JAM3: variants seen among roughly 807,000 people sequenced by gnomAD.
JAM3 encodes junctional adhesion molecule C.
JAM3 carries 31 observed loss-of-function variants against 39.4 expected under a neutral mutation model. The ratio of observed to expected loss-of-function variants is 0.79; its 90% CI spans 0.59 to 1.06. The LOEUF (loss-of-function observed/expected upper bound fraction) is 1.06. Among genes scored for constraint, JAM3 ranks in the 50% least tolerant of loss-of-function variants. The probability of loss-of-function intolerance (pLI) is 0.00; values close to 1 mark genes in which losing one functional copy is unlikely to be tolerated. For missense variants in JAM3, 455 were observed against 391.4 expected (o/e 1.16, Z -1.37); for synonymous variants, 182 against 148.7 (o/e 1.22, Z -1.63).
intron 1 of JAM3, among the ~76,000 whole-genome samples, chr11:134,130,751 C>T (rs1397161127): frequency 2.0e-5 from 3 of 152,206 alleles, no homozygotes; most frequent in African/African-American, 7.2e-5. Flanking sequence ...CCGCAGCTTT[C>T]CTCTCAAACC....
chr11:134,148,328 GAAGTCTC>G (rs1703370313), intron 6 of JAM3: 2 of 600,918 alleles, frequency 3.3e-6, no homozygotes, highest in Admixed American at 2.9e-5. Flanking sequence ...TTCAACTGTA[GAAGTCTC>G]AGTACTTTTC....
intron 1 of JAM3, among the ~76,000 whole-genome samples, chr11:134,125,603 G>C (rs1258614424): frequency 6.6e-6 from 1 of 152,180 alleles, no homozygotes; most frequent in African/African-American, 2.4e-5. Context: ...CCGATCCCCT[G>C]TCTGGGACAT....
Position 134,144,236 on chromosome 11 carries a change from T to C in JAM3, c.257-5T>C, listed in dbSNP as rs1490939617. On this transcript the variant is annotated splice_polypyrimidine_tract_variant and splice_region_variant and intron_variant, in intron 3 of 8. Transcript: ENST00000299106. ...GTTTTTTAGTGCCTCGTGTCTTTTC[T>C]GTAGGAGACTTGGCGGGTCGTGCAG... 1 of 1,614,232 alleles carries C rather than the reference T, an allele frequency of 6.2e-7. No individual in the cohort carries two copies. The highest frequency in any genetic ancestry group is 1.1e-5 in the South Asian group (1 of 91,090).
chr11:134,122,838 T>G (rs1942562649), intron 1 of JAM3, among the ~76,000 whole-genome samples: 1 of 152,222 alleles, frequency 6.6e-6, no homozygotes, highest in African/African-American at 2.4e-5. Flanking sequence ...TCTCTGATAC[T>G]AGACAGAAAA....
intron 1 of JAM3, among the ~76,000 whole-genome samples, chr11:134,099,017 T>C (rs1195282944): frequency 6.6e-6 from 1 of 151,986 alleles, no homozygotes; most frequent in East Asian, 1.9e-4. Flanking sequence ...CTGGGAAATA[T>C]GATGAAATCC....
At chr11:134,145,875 C>A in intron 5 of JAM3, 71 bp from the exon 6 acceptor site, 1 of 1,002,988 alleles carries the variant, frequency 1.0e-6, no homozygotes, top group Non-Finnish European at 1.6e-6. Context: ...AGTTCTGGAC[C>A]CAGCTGGCTG....
chr11:134,101,222 A>C (rs749428909), intron 1 of JAM3, among the ~76,000 whole-genome samples: 1 of 152,236 alleles, frequency 6.6e-6, no homozygotes, highest in Non-Finnish European at 1.5e-5. Flanking sequence ...TGTAATGGCA[A>C]ATTAATGTGT....
intron 1 of JAM3, among the ~76,000 whole-genome samples, chr11:134,080,291 G>A (rs977977193): frequency 4.6e-5 from 7 of 152,146 alleles, no homozygotes; most frequent in African/African-American, 1.7e-4. Context: ...TAGACCTTGG[G>A]GTAACGTCAG....
chr11:134,083,072 C>A, intron 1 of JAM3, among the ~76,000 whole-genome samples: 1 of 152,160 alleles, frequency 6.6e-6, no homozygotes, highest in East Asian at 1.9e-4. Flanking sequence ...AAGTTACTCT[C>A]TAGAGGTAGG....
chr11:134,140,580 C>T (rs938211123), intron 2 of JAM3, 77 bp from the exon 3 acceptor site: 5 of 1,175,188 alleles, frequency 4.3e-6, no homozygotes, highest in East Asian at 2.3e-5. Flanking sequence ...TGAATTAGAG[C>T]TTGCAGGGTC....
intron 1 of JAM3, among the ~76,000 whole-genome samples, chr11:134,134,416 A>AC (rs1287983497): frequency 3.3e-5 from 5 of 150,976 alleles, no homozygotes; most frequent in African/African-American, 1.2e-4. Flanking sequence ...AAAAAAAAAA[A>AC]AAAAAACATC....
intron 1 of JAM3, among the ~76,000 whole-genome samples, chr11:134,127,744 A>G (rs1942678284): frequency 6.6e-6 from 1 of 152,244 alleles, no homozygotes; most frequent in African/African-American, 2.4e-5. Flanking sequence ...ATACAGAATT[A>G]GTTTAATATA....
chr11:134,075,564 C>T (rs962274657), intron 1 of JAM3, among the ~76,000 whole-genome samples: 1 of 152,088 alleles, frequency 6.6e-6, no homozygotes, highest in African/African-American at 2.4e-5. Flanking sequence ...ATTTGTTTCA[C>T]GGGCTCTGGA....
At chr11:134,089,535 A>G (rs1941805176) in intron 1 of JAM3, among the ~76,000 whole-genome samples, 1 of 151,550 alleles carries the variant, frequency 6.6e-6, no homozygotes, top group Admixed American at 6.6e-5. Flanking sequence ...TTCAATTCCC[A>G]CCTATGAGTG....
At position 134,069,120 on chromosome 11, in the gene JAM3, G is replaced by T. The variant is rs759996676; in HGVS notation, c.37G>T (p.Ala13Ser). ...GCGGCCACCGCGACTCCGGCTCTGC[G>T]CTCGGCTGCCTGACTTCTTCCTGCT... The part of the protein sequence containing the change: ...LRRPPRLRLC[A>S]RLPDFFLLLL... Residue 13 changes from alanine to serine, a missense_variant, in exon 1 of 9, where the codon GCT becomes TCT. Physicochemically the swap from Ala to Ser is moderately conservative, Grantham distance 99. Transcript: ENST00000299106. 26 of 1,612,532 alleles carry T rather than the reference G, an allele frequency of 1.6e-5. No individual in the cohort carries two copies. The highest frequency in any genetic ancestry group is 1.6e-4 in the Middle Eastern group (1 of 6,078).
intron 3 of JAM3, among the ~76,000 whole-genome samples, chr11:134,143,588 T>A (rs907919011): frequency 2.6e-5 from 4 of 152,234 alleles, no homozygotes; most frequent in Non-Finnish European, 4.4e-5. Flanking sequence ...GTGAATTCTT[T>A]ATTCTGGATG....
At chr11:134,110,787 G>A (rs780959377) in intron 1 of JAM3, among the ~76,000 whole-genome samples, 12 of 152,054 alleles carry the variant, frequency 7.9e-5, no homozygotes, top group Non-Finnish European at 1.3e-4. Flanking sequence ...AAAGCTTTAC[G>A]TATATGCTAA....
rs1459299015 is a variant in JAM3, at chr11:134,103,427, A to G, written c.76+34268A>G. Among the ~76,000 whole-genome samples, 15 of 152,368 alleles carry G rather than the reference A, an allele frequency of 9.8e-5. No individual in the cohort carries two copies. The South Asian group carries it at 2.5e-3, about 25-fold the overall frequency. On this transcript the variant is annotated intron_variant, in intron 1 of 8. Coordinates refer to ENST00000299106, the MANE Select transcript of JAM3 (RefSeq NM_032801.5). Reference sequence around the variant, plus strand: ...AAAAACATGCCAAATTGTAAAGACCATCGATGCTAGGAAGAAACTGCATCA... The same window carrying G: ...AAAAACATGCCAAATTGTAAAGACCGTCGATGCTAGGAAGAAACTGCATCA...
At chr11:134,092,311 C>G (rs11223686) in intron 1 of JAM3, among the ~76,000 whole-genome samples, 1 of 149,252 alleles carries the variant, frequency 6.7e-6, no homozygotes, top group Non-Finnish European at 1.5e-5. Context: ...TTAAACGTCA[C>G]TTCCTGAGGG....
Sources: gnomAD v4.1 joint callset for allele counts (sites outside exome capture counted in the v4.1 genomes callset) on GRCh38, gnomAD v4.1.1 for gene constraint, MANE v1.5 for transcripts, NCBI Gene and HGNC (gene_info 2026-07-23, HGNC 2026-07-21) for gene names.